The following PIERCE1 variants were observed in gnomAD, a reference collection of about 807,000 sequenced individuals.
The protein encoded by PIERCE1 is piercer of microtubule wall 1 protein.
chr9:135,499,449 C>G, the PIERCE1 span: 1 of 695,036 alleles, frequency 1.4e-6, no homozygotes, highest in Non-Finnish European at 2.7e-6. Flanking sequence ...TCACCCGACA[C>G]AAATCAGTGG....
At chr9:135,495,647 C>T in the PIERCE1 span, 846 of 1,517,986 alleles carry the variant, frequency 5.6e-4, 8 homozygotes, top group South Asian at 9.3e-3. Context: ...GGATTAATGA[C>T]GTATAATACT....
At chr9:135,497,390 GT>G in the PIERCE1 span, among the ~76,000 whole-genome samples, 1 of 127,312 alleles carries the variant, frequency 7.9e-6, no homozygotes, top group South Asian at 2.6e-4. Context: ...AGTGTGCTGG[GT>G]TTTTTTTTCT....
At chr9:135,496,892 G>A in the PIERCE1 span, among the ~76,000 whole-genome samples, 1 of 151,460 alleles carries the variant, frequency 6.6e-6, no homozygotes, top group Non-Finnish European at 1.5e-5. Flanking sequence ...TCGCCTCTGG[G>A]TTCAAGCAAT....
At chr9:135,499,274 A>T in the PIERCE1 span, among the ~76,000 whole-genome samples, 1 of 152,258 alleles carries the variant, frequency 6.6e-6, no homozygotes, top group Non-Finnish European at 1.5e-5. Context: ...TGTGATGAGC[A>T]CGGCAAGATG....
chr9:135,499,477 G>A, the PIERCE1 span: 1 of 713,190 alleles, frequency 1.4e-6, no homozygotes, highest in Middle Eastern at 2.3e-4. Flanking sequence ...ACCACAACTG[G>A]GCTTTCTCCC....
At chr9:135,499,444 C>G in the PIERCE1 span, 2 of 689,254 alleles carry the variant, frequency 2.9e-6, no homozygotes, top group South Asian at 1.5e-5. Context: ...GAGACTCACC[C>G]GACACAAATC....
chr9:135,498,640 T>C, the PIERCE1 span: 1 of 1,614,070 alleles, frequency 6.2e-7, no homozygotes, highest in Non-Finnish European at 8.5e-7. The surrounding 1 kb of genome is among the most constrained non-coding windows in gnomAD (Gnocchi z 4.1). Flanking sequence ...ACTGGTCCTG[T>C]ACACGGAGAC....
the PIERCE1 span, among the ~76,000 whole-genome samples, chr9:135,497,376 A>C: frequency 6.6e-6 from 1 of 151,182 alleles, no homozygotes; most frequent in Non-Finnish European, 1.5e-5. Context: ...GACCCATGTT[A>C]GTGAGTGTGC....
At chr9:135,498,519 G>T in the PIERCE1 span, 1 of 1,439,482 alleles carries the variant, frequency 6.9e-7, no homozygotes. The surrounding 1 kb of genome is among the most constrained non-coding windows in gnomAD (Gnocchi z 4.1). Flanking sequence ...AGAACCCCAG[G>T]TTTTTAGCCT....
At chr9:135,495,566 C>T in the PIERCE1 span, 14 of 1,613,894 alleles carry the variant, frequency 8.7e-6, no homozygotes, top group Non-Finnish European at 1.1e-5. Flanking sequence ...GAACATTCCA[C>T]CCGCTGCAAG....
At chr9:135,499,085 G>T in the PIERCE1 span, 1 of 267,176 alleles carries the variant, frequency 3.7e-6, no homozygotes, top group Non-Finnish European at 7.3e-6. Context: ...GCTTCTACTG[G>T]TACCACTGCC....
chr9:135,497,156 G>A, the PIERCE1 span, among the ~76,000 whole-genome samples: 1 of 152,140 alleles, frequency 6.6e-6, no homozygotes, highest in African/African-American at 2.4e-5. Context: ...GAGGTAAACA[G>A]CTTCTCCGGC....
chr9:135,498,589 A>G, the PIERCE1 span: 1 of 1,613,680 alleles, frequency 6.2e-7, no homozygotes, highest in Non-Finnish European at 8.5e-7. The surrounding 1 kb of genome is among the most constrained non-coding windows in gnomAD (Gnocchi z 4.1). Flanking sequence ...ACTTACAGGC[A>G]TCTCGTGCAC....
At chr9:135,498,752 G>A in the PIERCE1 span, 1 of 1,225,658 alleles carries the variant, frequency 8.2e-7, no homozygotes, top group Non-Finnish European at 1.2e-6. The surrounding 1 kb of genome is among the most constrained non-coding windows in gnomAD (Gnocchi z 4.1). Context: ...CACTCCCCTG[G>A]AAATGCCCCC....
the PIERCE1 span, chr9:135,499,687 A>G: frequency 6.2e-7 from 1 of 1,606,494 alleles, no homozygotes; most frequent in South Asian, 1.1e-5. Context: ...CGCCAGGACC[A>G]GGCGGGCCCC....
At chr9:135,496,976 T>C in the PIERCE1 span, among the ~76,000 whole-genome samples, 103 of 152,268 alleles carry the variant, frequency 6.8e-4, 1 homozygote, top group East Asian at 0.017. Flanking sequence ...TTTGTATTTT[T>C]AGTAGAGACG....
chr9:135,495,756 C>T, the PIERCE1 span: 1 of 694,378 alleles, frequency 1.4e-6, no homozygotes, highest in Admixed American at 2.9e-5. Flanking sequence ...CACCCCAGAC[C>T]ATCCTAATCC....
At chr9:135,497,913 C>T in the PIERCE1 span, among the ~76,000 whole-genome samples, 1 of 152,200 alleles carries the variant, frequency 6.6e-6, no homozygotes, top group Non-Finnish European at 1.5e-5. Flanking sequence ...GCTTTGACAA[C>T]GAAAATACGT....
At chr9:135,496,022 A>G in the PIERCE1 span, among the ~76,000 whole-genome samples, 1 of 152,152 alleles carries the variant, frequency 6.6e-6, no homozygotes, top group Admixed American at 6.6e-5. Context: ...GTGGGTTTCA[A>G]CCTTAACTGG....
Sources: gnomAD v4.1 joint callset for allele counts (sites outside exome capture counted in the v4.1 genomes callset) on GRCh38, gnomAD v4.1.1 for gene constraint, Gnocchi (gnomAD v3.1) non-coding constraint, MANE v1.5 for transcripts, NCBI Gene and HGNC (gene_info 2026-07-23, HGNC 2026-07-21) for gene names.